The following TRIO variants were observed in gnomAD, a reference collection of about 807,000 sequenced individuals.
TRIO encodes the protein trio Rho guanine nucleotide exchange factor.
Under a neutral mutation model 351.9 loss-of-function variants are expected in TRIO, and 58 were observed. That is an observed-to-expected ratio of 0.16 (90% CI 0.13 to 0.21). The LOEUF (loss-of-function observed/expected upper bound fraction) is 0.21, where lower values mean the gene tolerates loss of function less well. Ranked by LOEUF, TRIO falls within the 10% of genes least tolerant of loss-of-function variation. TRIO has a pLI of 1.00. For synonymous variants in TRIO, 1,758 were observed against 1,595.7 expected (o/e 1.10, Z -2.42); for missense variants, 3,201 against 4,027.8 (o/e 0.79, Z 5.56).
At chr5:14,201,450 C>T (rs756174467) in intron 1 of TRIO, among the ~76,000 whole-genome samples, 5 of 152,084 alleles carry the variant, frequency 3.3e-5, no homozygotes, top group Non-Finnish European at 7.4e-5. Context: ...TAGTTAATTA[C>T]AGATAAATAC....
At chr5:14,186,837 C>T (rs1271528135) in intron 1 of TRIO, among the ~76,000 whole-genome samples, 1 of 152,074 alleles carries the variant, frequency 6.6e-6, no homozygotes, top group African/African-American at 2.4e-5. Context: ...CTCGGCCTCC[C>T]AAAATGCTGG....
chr5:14,419,485 C>T (rs1355272650), intron 33 of TRIO, among the ~76,000 whole-genome samples: 1 of 152,094 alleles, frequency 6.6e-6, no homozygotes, highest in South Asian at 2.1e-4. Context: ...TGATAATCCC[C>T]CAGATAGCCT....
intron 21 of TRIO, among the ~76,000 whole-genome samples, chr5:14,385,797 A>G (rs1746491272): frequency 6.6e-6 from 1 of 152,240 alleles, no homozygotes; most frequent in Non-Finnish European, 1.5e-5. Context: ...CTTAGTTTTT[A>G]TCACACCATT....
At chr5:14,480,204 G>A (rs1035644680) in intron 43 of TRIO, among the ~76,000 whole-genome samples, 193 bp downstream of exon 43, 4 of 152,112 alleles carry the variant, frequency 2.6e-5, no homozygotes, top group Admixed American at 6.5e-5. Context: ...AGACTCTGGT[G>A]TCAGGAGTGA....
chr5:14,461,059 A>G lies in TRIO; in HGVS notation c.5244A>G (p.Ala1748=), dbSNP rs55812347. ...CCAGCAATGACGCCAGTCCACCCGCATCCGTGGCTTCCCTCCAGCCCCACA... is the reference window on the plus strand; with the variant it reads ...CCAGCAATGACGCCAGTCCACCCGCGTCCGTGGCTTCCCTCCAGCCCCACA... ...SVSSNDASPP[A]SVASLQPHMI... The change falls in exon 35 of 57, where the codon GCA becomes GCG. Residue 1748 remains alanine (A), a synonymous_variant. Transcript: ENST00000344204. 0.023 allele frequency: 36,746 copies of G among 1,581,966 alleles called. 618 individuals are homozygous for G. The highest frequency in any genetic ancestry group is 0.046 in the African/African-American group (3,376 of 73,872).
At chr5:14,164,703 A>G (rs1788664837) in intron 1 of TRIO, among the ~76,000 whole-genome samples, 1 of 152,172 alleles carries the variant, frequency 6.6e-6, no homozygotes, top group Admixed American at 6.5e-5. Flanking sequence ...CCTTTGGTCA[A>G]AATTTTGCTC....
intron 55 of TRIO, among the ~76,000 whole-genome samples, chr5:14,506,347 G>A (rs1347308761): frequency 6.6e-6 from 1 of 152,200 alleles, no homozygotes; most frequent in Non-Finnish European, 1.5e-5. Flanking sequence ...TGCTAGACAG[G>A]CAGCTGATCT....
In TRIO at chr5:14,406,075, TTCTC is replaced by T. The variant is rs1748688859; in HGVS notation, c.4859+88_4859+91del. ...TAGCTCACCCTGCTTCAAAAATCCT[TTCTC>T]TCAAACATTTTGAGGAATACATTTT... On this transcript the variant is annotated intron_variant, in intron 32 of 56. Transcript: ENST00000344204. The T allele has an allele frequency of 7.2e-6, 11 of 1,532,212 alleles. No individual in the cohort carries two copies. In the East Asian group the frequency reaches 1.8e-4, roughly 26 times the overall value. The allele number at this position is 1,532,212 out of a possible 1,614,324, so 94.9% of individuals were successfully genotyped here.
In TRIO at chr5:14,291,135, G is replaced by A. The variant is rs372630442; in HGVS notation, c.960G>A (p.Ser320=). 1,009 of 1,614,156 alleles carry A rather than the reference G, an allele frequency of 6.3e-4. 2 individuals are homozygous for A. The highest frequency in any genetic ancestry group is 7.6e-4 in the Non-Finnish European group (902 of 1,180,040). The change falls in exon 5 of 57, where the codon TCG becomes TCA. Residue 320 remains serine, a synonymous_variant. Coordinates refer to ENST00000344204, the MANE Select transcript of TRIO (RefSeq NM_007118.4). ...KVSTMLDRLH[S]TRQHLHQMWH... Reference sequence around the variant, plus strand: ...CCACCATGCTGGACCGGCTGCACTCGACACGGCAGCATCTGCACCAGATGT... The same window carrying A: ...CCACCATGCTGGACCGGCTGCACTCAACACGGCAGCATCTGCACCAGATGT...
In TRIO at chr5:14,498,744, A is replaced by G. The variant is rs563284337; in HGVS notation, c.8332+104A>G. Reference sequence around the variant, plus strand: ...CCTTACACTCCAAGTGGCCTGAAAGATAGAACAATAAGTCATTTGTGGGGC... The same window carrying G: ...CCTTACACTCCAAGTGGCCTGAAAGGTAGAACAATAAGTCATTTGTGGGGC... On this transcript the variant is annotated intron_variant, in intron 53 of 56. Transcript: ENST00000344204. 1.5e-5 allele frequency: 23 copies of G among 1,521,438 alleles called. No individual in the cohort carries two copies. The East Asian group carries it at 4.6e-4, about 30-fold the overall frequency. The allele number at this position is 1,521,438 out of a possible 1,614,324, so 94.2% of individuals were successfully genotyped here.
intron 19 of TRIO, among the ~76,000 whole-genome samples, chr5:14,376,349 CA>C (rs562221757): frequency 7.2e-5 from 11 of 152,248 alleles, no homozygotes; most frequent in African/African-American, 2.6e-4. Flanking sequence ...GTCAAAAACT[CA>C]AAAAGTGTAC....
intron 7 of TRIO, among the ~76,000 whole-genome samples, chr5:14,298,812 G>A (rs1228171278): frequency 6.6e-6 from 1 of 152,152 alleles, no homozygotes; most frequent in Non-Finnish European, 1.5e-5. Flanking sequence ...GACTAATTTT[G>A]TGATAAAAGA....
intron 1 of TRIO, among the ~76,000 whole-genome samples, chr5:14,265,436 T>G (rs946934705): frequency 6.6e-5 from 10 of 152,224 alleles, no homozygotes; most frequent in African/African-American, 2.4e-4. Flanking sequence ...ACCTATGTTT[T>G]ACTTAAAAAA....
intron 7 of TRIO, among the ~76,000 whole-genome samples, chr5:14,302,321 G>T (rs368772638): frequency 2.6e-5 from 4 of 152,312 alleles, no homozygotes; most frequent in African/African-American, 9.6e-5. Flanking sequence ...TTGGTTTTGG[G>T]TGTTCTGCAG....
intron 1 of TRIO, among the ~76,000 whole-genome samples, chr5:14,145,120 G>A (rs1787424776): frequency 6.6e-6 from 1 of 152,154 alleles, no homozygotes; most frequent in Non-Finnish European, 1.5e-5. Context: ...CCCTGCGCTG[G>A]GGGACGCGCG....
chr5:14,407,618 AC>A (rs1275303282), intron 33 of TRIO, among the ~76,000 whole-genome samples: 1 of 152,118 alleles, frequency 6.6e-6, no homozygotes, highest in African/African-American at 2.4e-5. Context: ...AACATAGAAA[AC>A]CTGCCCTGGA....
At chr5:14,438,037 G>A (rs568408427) in intron 34 of TRIO, among the ~76,000 whole-genome samples, 2 of 152,224 alleles carry the variant, frequency 1.3e-5, no homozygotes, top group South Asian at 2.1e-4. Context: ...TAAATTGTGT[G>A]TCCAGCCATC....
intron 1 of TRIO, among the ~76,000 whole-genome samples, chr5:14,240,430 G>T (rs1794059301): frequency 1.3e-5 from 2 of 152,192 alleles, no homozygotes; most frequent in Non-Finnish European, 2.9e-5. Context: ...TAAAATTTGA[G>T]CTAAGCTGTT....
intron 1 of TRIO, among the ~76,000 whole-genome samples, chr5:14,148,816 GA>G (rs1787662379): frequency 6.6e-6 from 1 of 152,202 alleles, no homozygotes; most frequent in South Asian, 2.1e-4. Flanking sequence ...CTGGTGGATG[GA>G]GATGCTGTCT....
Sources: allele counts gnomAD v4.1 joint callset (sites outside exome capture counted in the v4.1 genomes callset), GRCh38; gene constraint gnomAD v4.1.1; transcripts MANE v1.5; gene names NCBI Gene and HGNC (gene_info 2026-07-23, HGNC 2026-07-21).